Variants in MAPK9 observed in about 807,000 individuals in gnomAD.
The protein encoded by MAPK9 is mitogen-activated protein kinase 9, also known as Jun kinase.
In MAPK9, 30 loss-of-function variants were observed where a neutral mutation model predicts 57.1. The ratio of observed to expected loss-of-function variants is 0.53; its 90% confidence interval spans 0.39 to 0.71. The LOEUF is 0.71. Ranked by LOEUF, MAPK9 falls within the 30% of genes least tolerant of loss-of-function variation. The pLI, the probability that MAPK9 is intolerant of heterozygous loss-of-function variation, is 0.00. For missense variants in MAPK9, 362 were observed against 521.0 expected (o/e 0.69, Z 2.97); for synonymous variants, 155 against 177.0 (o/e 0.88, Z 0.99).
chr5:180,239,625 T>C (rs1369811386), intron 10 of MAPK9, among the ~76,000 whole-genome samples: 1 of 152,198 alleles, frequency 6.6e-6, no homozygotes, highest in African/African-American at 2.4e-5. Context: ...TAAAAACATA[T>C]CAATCAATAT....
At chr5:180,236,687 T>C (rs961566013) in intron 11 of MAPK9, 161 bp from the exon 12 acceptor site, 3 of 605,736 alleles carry the variant, frequency 5.0e-6, no homozygotes, top group Admixed American at 3.4e-5. Context: ...TTCTGAACTT[T>C]TCCTTGAGTC....
chr5:180,247,668 T>C lies in MAPK9; in HGVS notation c.617-158A>G, dbSNP rs148426931. The C allele has an allele frequency of 4.1e-4, 386 of 937,482 alleles. No homozygotes were observed. In the African/African-American group the frequency reaches 5.7e-3, roughly 14 times the overall value. 58.1% of individuals were successfully genotyped at this position (937,482 alleles called of 1,614,324 possible). A position where few individuals can be genotyped will look rare whatever the true frequency, so the allele number is the denominator to read the frequency against. On this transcript the variant is annotated intron_variant, in intron 6 of 11. Coordinates refer to ENST00000452135, the MANE Select transcript of MAPK9 (RefSeq NM_002752.5). The surrounding 1 kb of genome is among the most constrained non-coding windows in gnomAD (Gnocchi z 4.5). ...CAATATGAATGATTGCTGACCTCTA[T>C]TTTAGCCTTCGGTTTGTAGCAATCT... is the stretch of plus-strand genomic sequence containing the variant.
At chr5:180,267,079 C>A (rs189290633) in intron 3 of MAPK9, among the ~76,000 whole-genome samples, 1 of 152,132 alleles carries the variant, frequency 6.6e-6, no homozygotes, top group Non-Finnish European at 1.5e-5. Context: ...AGGAGAAAAG[C>A]AGGATGAAGA....
chr5:180,291,620 T>C (rs1763244772), intron 1 of MAPK9, among the ~76,000 whole-genome samples: 5 of 151,882 alleles, frequency 3.3e-5, no homozygotes, highest in Admixed American at 3.3e-4. Context: ...CACGGGCAGG[T>C]CGGCCGGGCC....
intron 5 of MAPK9, among the ~76,000 whole-genome samples, chr5:180,250,119 C>T (rs34352678): frequency 0.038 from 5,805 of 152,250 alleles, 186 homozygotes; most frequent in Non-Finnish European, 0.055. Flanking sequence ...TTCTGGTTGC[C>T]ACCTCTCTTC....
chr5:180,248,145 G>A (rs1055948190), intron 6 of MAPK9, among the ~76,000 whole-genome samples: 2 of 152,280 alleles, frequency 1.3e-5, no homozygotes, highest in Non-Finnish European at 2.9e-5. Flanking sequence ...CAGGACTGCA[G>A]GTGAGGCCCT....
At chr5:180,263,337 C>T (rs1760180956) in intron 4 of MAPK9, among the ~76,000 whole-genome samples, 1 of 152,128 alleles carries the variant, frequency 6.6e-6, no homozygotes, top group Admixed American at 6.5e-5. Flanking sequence ...CCCCTCTGGG[C>T]CAAATGGACC....
chr5:180,280,405 A>T, intron 2 of MAPK9, 35 bp downstream of exon 2: 1 of 1,589,500 alleles, frequency 6.3e-7, no homozygotes, highest in Non-Finnish European at 8.5e-7. Flanking sequence ...TACAGCAAAA[A>T]CTCAATCCAC....
At chr5:180,288,030 G>A (rs1430996318) in intron 1 of MAPK9, among the ~76,000 whole-genome samples, 1 of 152,190 alleles carries the variant, frequency 6.6e-6, no homozygotes, top group African/African-American at 2.4e-5. Flanking sequence ...TCTGGGTGAT[G>A]TGCAGCAAGC....
chr5:180,266,912 G>T (rs1419644398), intron 3 of MAPK9, among the ~76,000 whole-genome samples: 1 of 152,186 alleles, frequency 6.6e-6, no homozygotes, highest in East Asian at 1.9e-4. Flanking sequence ...GTTCATTGCA[G>T]CACTGCTTAT....
At chr5:180,248,922 C>T in intron 6 of MAPK9, 51 bp downstream of exon 6, 1 of 1,543,062 alleles carries the variant, frequency 6.5e-7, no homozygotes, top group Non-Finnish European at 8.7e-7. Context: ...GAGACCACCG[C>T]TAGAGCAATT....
intron 8 of MAPK9, 150 bp downstream of exon 8, chr5:180,242,423 G>A (rs748517361): frequency 7.5e-6 from 5 of 663,536 alleles, no homozygotes; most frequent in Non-Finnish European, 1.0e-5. Flanking sequence ...AGACCTTTAA[G>A]CTTTCTCTCC....
chr5:180,292,025 T>A lies in MAPK9; in HGVS notation c.-225A>T, dbSNP rs927368449. On this transcript the variant is annotated 5_prime_UTR_variant, in exon 1 of 12. Coordinates refer to ENST00000452135, the MANE Select transcript of MAPK9 (RefSeq NM_002752.5). ...GTGGGTGTGAGGGGCGCCGGGGCGC[T>A]GCGACCCTTCCGGTCCCGCTCCCTT... 9 of 155,606 alleles carry A rather than the reference T, an allele frequency of 5.8e-5. No homozygotes were observed. The highest frequency in any genetic ancestry group is 9.7e-5 in the Non-Finnish European group (7 of 72,052). 9.6% of individuals were successfully genotyped at this position (155,606 alleles called of 1,614,324 possible).
chr5:180,271,134 T>A (rs545506297), intron 2 of MAPK9, among the ~76,000 whole-genome samples: 33 of 152,320 alleles, frequency 2.2e-4, no homozygotes, highest in African/African-American at 7.2e-4. Flanking sequence ...GTATACATAT[T>A]TCAGAACAAT....
intron 2 of MAPK9, 92 bp downstream of exon 2, chr5:180,280,348 T>TA (rs34878065): frequency 1.4e-5 from 21 of 1,509,956 alleles, no homozygotes; most frequent in Middle Eastern, 1.8e-4. Context: ...GTTTTTTTTT[T>TA]AATCATCAAT....
chr5:180,242,640 T>C lies in MAPK9; in HGVS notation c.804A>G (p.Gly268=), dbSNP rs770456085. The change falls in exon 8 of 12, where the codon GGA becomes GGG. Residue 268 remains glycine, a synonymous_variant. Coordinates refer to ENST00000452135, the MANE Select transcript of MAPK9 (RefSeq NM_002752.5). ...NYVENRPKYP[G]IKFEELFPDW... ...CTGGAAAGAGTTCTTCAAATTTGAT[T>C]CCAGGATACTTTGGTCTGTTTTCGA... 2 of 1,614,068 alleles carry C rather than the reference T, an allele frequency of 1.2e-6. No homozygotes were observed. Among genetic ancestry groups the C allele is most frequent in the African/African-American group, 2.7e-5 (2 of 74,930 alleles).
chr5:180,238,457 G>A, intron 10 of MAPK9, 54 bp from the exon 11 acceptor site: 3 of 1,256,394 alleles, frequency 2.4e-6, no homozygotes, highest in Admixed American at 1.7e-5. Context: ...CAGTTTCACT[G>A]TATCTCTAAA....
chr5:180,248,442 T>G (rs35758470), intron 6 of MAPK9, among the ~76,000 whole-genome samples: 326 of 152,368 alleles, frequency 2.1e-3, no homozygotes, highest in African/African-American at 6.8e-3. Flanking sequence ...TCAACAAATT[T>G]GCTAAAAGCC....
At chr5:180,258,750 G>C (rs1160347184) in intron 5 of MAPK9, among the ~76,000 whole-genome samples, 1 of 151,750 alleles carries the variant, frequency 6.6e-6, no homozygotes, top group African/African-American at 2.4e-5. Context: ...AATGTGGCTG[G>C]GCGCAGTGGC....
Sources: allele counts gnomAD v4.1 joint callset (sites outside exome capture counted in the v4.1 genomes callset), GRCh38; gene constraint gnomAD v4.1.1; non-coding constraint Gnocchi (gnomAD v3.1); transcripts MANE v1.5; gene names NCBI Gene and HGNC (gene_info 2026-07-23, HGNC 2026-07-21).